Variants in CEMIP observed in about 807,000 individuals in gnomAD.
CEMIP encodes cell migration inducing hyaluronidase 1.
In CEMIP, 105 loss-of-function variants were observed where a neutral mutation model predicts 156.9. The ratio of observed to expected loss-of-function variants is 0.67; its 90% CI spans 0.57 to 0.79. CEMIP has a LOEUF of 0.79. CEMIP is among the 30% of genes least tolerant of loss of function. The pLI, the probability that CEMIP is intolerant of heterozygous loss-of-function variation, is 0.00. For missense variants in CEMIP, 1,457 were observed against 1,769.4 expected, an observed-to-expected ratio of 0.82 and a Z score of 3.17; for synonymous variants, 676 against 668.4, an observed-to-expected ratio of 1.01 and a Z score of -0.17.
intron 1 of CEMIP, among the ~76,000 whole-genome samples, chr15:80,826,873 G>T (rs948533945): frequency 4.6e-5 from 7 of 152,074 alleles, no homozygotes; most frequent in Non-Finnish European, 1.5e-5. Context: ...TTCCCTGATG[G>T]GTTTGAGTTT....
chr15:80,871,153 G>T (rs772771156), intron 1 of CEMIP, among the ~76,000 whole-genome samples: 3 of 152,158 alleles, frequency 2.0e-5, no homozygotes, highest in Non-Finnish European at 4.4e-5. Flanking sequence ...AAGGAAATTT[G>T]GGAATCTTTT....
chr15:80,900,585 G>GGTGTGTGTGTGTGTGTGTGT lies in CEMIP; in HGVS notation c.1411+4570_1411+4589dup, dbSNP rs57724852. On this transcript the variant is annotated intron_variant, in intron 12 of 29. Transcript: ENST00000394685. ...CAGCACCAGAAAAGCCCCAGGTAGGGGTGTGTGTGTGTGTGTGTGTGTGTG... is the reference window on the plus strand; with the variant it reads ...CAGCACCAGAAAAGCCCCAGGTAGGGGTGTGTGTGTGTGTGTGTGTGTGTGTGTGTGTGTGTGTGTGTGTG... Among the ~76,000 whole-genome samples the GGTGTGTGTGTGTGTGTGTGT allele has an allele frequency of 1.3e-3, 99 of 74,954 alleles. 5 individuals carry two copies. The highest frequency in any genetic ancestry group is 2.7e-3 in the East Asian group (5 of 1,858). 49.2% of individuals were successfully genotyped at this position (74,954 alleles called of 152,430 possible). A position where few individuals can be genotyped will look rare whatever the true frequency, so the allele number is the denominator to read the frequency against.
chr15:80,864,167 A>C (rs1400356855), intron 1 of CEMIP, among the ~76,000 whole-genome samples: 1 of 152,066 alleles, frequency 6.6e-6, no homozygotes, highest in Non-Finnish European at 1.5e-5. Flanking sequence ...GGACCCCAGG[A>C]CTCTGGCTTG....
intron 16 of CEMIP, 91 bp downstream of exon 16, chr15:80,921,192 C>A: frequency 2.5e-6 from 3 of 1,178,662 alleles, no homozygotes; most frequent in African/African-American, 3.0e-5. Context: ...CATGTGTGCT[C>A]TGAGCCCCAA....
chr15:80,784,552 G>A lies in CEMIP; in HGVS notation c.-176+4938G>A, dbSNP rs1042521233. On this transcript the variant is annotated intron_variant, in intron 1 of 29. Transcript: ENST00000394685. The stretch of plus-strand genomic sequence containing the variant: ...TTCTGTGGCTCTGCCAGTCAGGAAA[G>A]GTGGGAACCATTGGAGTGTTCCTTG... 3.9e-5 allele frequency among the ~76,000 whole-genome samples: 6 copies of A among 152,188 alleles called. 1 individual carries two copies. The highest frequency in any genetic ancestry group is 1.3e-4 in the Admixed American group (2 of 15,284).
intron 28 of CEMIP, 49 bp downstream of exon 28, chr15:80,943,151 C>A (rs1901410381): frequency 6.2e-7 from 1 of 1,601,770 alleles, no homozygotes; most frequent in Non-Finnish European, 8.6e-7. Context: ...ACAGCAGACC[C>A]CTGGGCAAGG....
intron 12 of CEMIP, among the ~76,000 whole-genome samples, chr15:80,904,651 A>T (rs1899717929): frequency 6.6e-6 from 1 of 152,134 alleles, no homozygotes; most frequent in Non-Finnish European, 1.5e-5. Context: ...CAGCGACTGG[A>T]GTGATGCACG....
intron 21 of CEMIP, among the ~76,000 whole-genome samples, chr15:80,929,971 A>G (rs1363250256): frequency 6.6e-6 from 1 of 152,132 alleles, no homozygotes; most frequent in Non-Finnish European, 1.5e-5. Flanking sequence ...TGGTGAGGAA[A>G]TCTCCTTTCT....
intron 12 of CEMIP, 25 bp downstream of exon 12, chr15:80,896,085 T>C (rs772285746): frequency 5.0e-6 from 8 of 1,607,660 alleles, no homozygotes; most frequent in East Asian, 4.5e-5. Context: ...AATCCCTTCC[T>C]AGACTGGATG....
At chr15:80,802,074 T>C (rs778081290) in intron 1 of CEMIP, among the ~76,000 whole-genome samples, 20 of 152,242 alleles carry the variant, frequency 1.3e-4, no homozygotes, top group Non-Finnish European at 2.8e-4. Context: ...AACTGTACTA[T>C]TGTACTTGGA....
intron 1 of CEMIP, among the ~76,000 whole-genome samples, chr15:80,817,749 G>C (rs187697386): frequency 6.6e-6 from 1 of 152,078 alleles, no homozygotes; most frequent in African/African-American, 2.4e-5. Context: ...AGGAGGCTGC[G>C]GTGGCAAATT....
chr15:80,906,880 A>G lies in CEMIP; in HGVS notation c.1587+42A>G. On this transcript the variant is annotated intron_variant, in intron 13 of 29. Coordinates refer to ENST00000394685, the MANE Select transcript of CEMIP (RefSeq NM_001293298.2). This position sits in a 1 kb window ranked among gnomAD's most constrained non-coding sequence, Gnocchi z 4.3. ...CAGAGTCTTTCAACCCAACCAGGAG[A>G]GTTCCTATGATGTCAGCCTCTAGAC... 6.4e-7 allele frequency: 1 copy of G among 1,574,010 alleles called. No individual in the cohort carries two copies. Among genetic ancestry groups the G allele is most frequent in the South Asian group, 1.1e-5 (1 of 86,984 alleles).
chr15:80,942,383 G>A, intron 27 of CEMIP, 46 bp downstream of exon 27: 2 of 1,493,540 alleles, frequency 1.3e-6, no homozygotes, highest in Non-Finnish European at 9.3e-7. Context: ...CTCATTGAGA[G>A]GTGATACTGT....
At position 80,906,545 on chromosome 15, in the gene CEMIP, T is replaced by C. The variant is rs772323092; in HGVS notation, c.1412-118T>C. 1 of 987,684 alleles carries C rather than the reference T, an allele frequency of 1.0e-6. No individual in the cohort carries two copies. The highest frequency in any genetic ancestry group is 1.5e-6 in the Non-Finnish European group (1 of 652,702). 61.2% of individuals were successfully genotyped at this position (987,684 alleles called of 1,614,324 possible). A position where few individuals can be genotyped will look rare whatever the true frequency, so the allele number is the denominator to read the frequency against. On this transcript the variant is annotated intron_variant, in intron 12 of 29. Transcript: ENST00000394685. The surrounding 1 kb of genome is among the most constrained non-coding windows in gnomAD (Gnocchi z 4.3). ...TCATCCTTCTGTAACATGAGACCACTGTGCACACCAGGCATGGCGATGAGT... is the reference window on the plus strand; with the variant it reads ...TCATCCTTCTGTAACATGAGACCACCGTGCACACCAGGCATGGCGATGAGT...
chr15:80,906,810 ACTT>A lies in CEMIP; in HGVS notation c.1561_1563del (p.Phe521del). ...AGAAACCACATCTGCAATTTCTTTG[ACTT>A]CGATACCTTTGGGGGCCACATCAAG... On this transcript the variant is annotated inframe_deletion, in exon 13 of 30. Coordinates refer to ENST00000394685, the MANE Select transcript of CEMIP (RefSeq NM_001293298.2). The surrounding 1 kb of genome is among the most constrained non-coding windows in gnomAD (Gnocchi z 4.3). 1 of 1,614,006 alleles carries A rather than the reference ACTT, an allele frequency of 6.2e-7. No homozygotes were observed. Among genetic ancestry groups the A allele is most frequent in the East Asian group, 2.2e-5 (1 of 44,880 alleles).
chr15:80,814,571 C>G (rs1016047789), intron 1 of CEMIP, among the ~76,000 whole-genome samples: 1 of 152,208 alleles, frequency 6.6e-6, no homozygotes, highest in African/African-American at 2.4e-5. Flanking sequence ...TCTTCTCCTG[C>G]ATCTTCCCTA....
chr15:80,818,791 T>C (rs1263359458), intron 1 of CEMIP, among the ~76,000 whole-genome samples: 1 of 152,208 alleles, frequency 6.6e-6, no homozygotes, highest in Non-Finnish European at 1.5e-5. Context: ...TTGTAATTGA[T>C]TAATAATGTC....
intron 14 of CEMIP, among the ~76,000 whole-genome samples, chr15:80,916,212 C>A (rs1900267962): frequency 1.3e-5 from 2 of 152,218 alleles, no homozygotes; most frequent in Admixed American, 1.3e-4. Context: ...TCACTTCAAA[C>A]GTGTCCTGGT....
chr15:80,812,209 G>A (rs559520431), intron 1 of CEMIP, among the ~76,000 whole-genome samples: 2 of 152,292 alleles, frequency 1.3e-5, no homozygotes, highest in South Asian at 2.1e-4. Flanking sequence ...GTTGTTTGTA[G>A]CCAGCTTTGG....
Sources: allele counts gnomAD v4.1 joint callset (sites outside exome capture counted in the v4.1 genomes callset), GRCh38; gene constraint gnomAD v4.1.1; non-coding constraint Gnocchi (gnomAD v3.1); transcripts MANE v1.5; gene names NCBI Gene and HGNC (gene_info 2026-07-23, HGNC 2026-07-21).